Variants in GNB4 observed in about 807,000 individuals in gnomAD.
GNB4 encodes the protein G protein subunit beta 4.
A neutral mutation model predicts 45.2 loss-of-function variants in GNB4; 28 were observed. That is an observed-to-expected ratio of 0.62 (90% CI 0.46 to 0.85). The LOEUF is 0.85. Among genes scored for constraint, GNB4 ranks in the 40% least tolerant of loss-of-function variants. The probability of loss-of-function intolerance (pLI) is 0.00; values close to 1 mark genes in which losing one functional copy is unlikely to be tolerated. For missense variants in GNB4, 321 were observed against 425.4 expected (o/e 0.75, Z 2.16); for synonymous variants, 132 against 143.7 (o/e 0.92, Z 0.58).
At chr3:179,470,226 TA>T in the GNB4 span, among the ~76,000 whole-genome samples, 5 of 152,148 alleles carry the variant, frequency 3.3e-5, no homozygotes, top group Admixed American at 3.3e-4. Flanking sequence ...CTACAACTTA[TA>T]AAAAGAAAAA....
the GNB4 span, among the ~76,000 whole-genome samples, chr3:179,522,649 C>T: frequency 6.6e-6 from 1 of 152,158 alleles, no homozygotes. Flanking sequence ...CCTGCCTTTG[C>T]TGGTGAGTGG....
At chr3:179,406,776 C>G (rs534176583) in intron 8 of GNB4, among the ~76,000 whole-genome samples, 42 of 152,144 alleles carry the variant, frequency 2.8e-4, no homozygotes, top group African/African-American at 8.7e-4. Context: ...CAACGCCTGG[C>G]TAATTTTTTT....
the GNB4 span, among the ~76,000 whole-genome samples, chr3:179,463,963 G>A: frequency 6.6e-6 from 1 of 152,270 alleles, no homozygotes; most frequent in African/African-American, 2.4e-5. Context: ...TTTGCTAAAG[G>A]AATAGATCTT....
chr3:179,502,228 C>CTTTTTT, the GNB4 span, among the ~76,000 whole-genome samples: 228 of 73,410 alleles, frequency 3.1e-3, no homozygotes, highest in African/African-American at 4.5e-3. Flanking sequence ...TTTTTCTTTT[C>CTTTTTT]TTTTTTTTTT....
At chr3:179,412,247 C>T (rs1054549783) in intron 8 of GNB4, among the ~76,000 whole-genome samples, 1 of 152,120 alleles carries the variant, frequency 6.6e-6, no homozygotes, top group South Asian at 2.1e-4. Flanking sequence ...GTGGGAGGAT[C>T]GCTGAGCCCA....
the GNB4 span, among the ~76,000 whole-genome samples, chr3:179,481,811 A>G: frequency 6.6e-6 from 1 of 152,328 alleles, no homozygotes; most frequent in South Asian, 2.1e-4. Flanking sequence ...TCACTCTGAG[A>G]GTGCATAGTT....
At chr3:179,410,547 T>C (rs1045003578) in intron 8 of GNB4, 12 of 152,186 alleles carry the variant, frequency 7.9e-5, no homozygotes, top group African/African-American at 2.9e-4. Flanking sequence ...TCTTCTCCTG[T>C]GTCTCTTCAC....
At chr3:179,472,902 G>A in the GNB4 span, among the ~76,000 whole-genome samples, 2 of 152,162 alleles carry the variant, frequency 1.3e-5, no homozygotes, top group African/African-American at 2.4e-5. Context: ...GGTGGCTCAC[G>A]CCTGTAATCC....
At chr3:179,403,268 T>C (rs1714358714) in intron 9 of GNB4, among the ~76,000 whole-genome samples, 2 of 150,716 alleles carry the variant, frequency 1.3e-5, no homozygotes, top group South Asian at 2.1e-4. Flanking sequence ...TAAGGAAATA[T>C]TCTAAAAATA....
intron 1 of GNB4, among the ~76,000 whole-genome samples, chr3:179,430,622 T>A (rs1715283620): frequency 1.2e-5 from 1 of 84,394 alleles, no homozygotes; most frequent in African/African-American, 3.6e-5. Context: ...CCTGGCTAAT[T>A]TTTTTTTTTT....
rs978484989 is a variant in GNB4, at chr3:179,397,834, T to G, written c.*3379A>C. The stretch of plus-strand genomic sequence containing the variant: ...TCACCAAAACCTCCACCTCCTGAGT[T>G]CAAGTAATTCTCTGCCTCAGCCTCA... On this transcript the variant is annotated 3_prime_UTR_variant, in exon 10 of 10. Coordinates refer to ENST00000232564, the MANE Select transcript of GNB4 (RefSeq NM_021629.4). 6.7e-6 allele frequency: 1 copy of G among 150,254 alleles called. No homozygotes were observed. Among genetic ancestry groups the G allele is most frequent in the Non-Finnish European group, 1.5e-5 (1 of 68,062 alleles). 9.3% of individuals were successfully genotyped at this position (150,254 alleles called of 1,614,324 possible). A position where few individuals can be genotyped will look rare whatever the true frequency, so the allele number is the denominator to read the frequency against.
chr3:179,453,540 T>C (rs1715935590), upstream of GNB4, among the ~76,000 whole-genome samples: 1 of 152,204 alleles, frequency 6.6e-6, no homozygotes, highest in African/African-American at 2.4e-5. Context: ...AACAAGTTGC[T>C]GGTATTTAGG....
At chr3:179,482,806 G>A in the GNB4 span, among the ~76,000 whole-genome samples, 4 of 152,164 alleles carry the variant, frequency 2.6e-5, no homozygotes, top group African/African-American at 9.7e-5. Context: ...ACTTATGGCA[G>A]GTGGAAAAGT....
the GNB4 span, among the ~76,000 whole-genome samples, chr3:179,502,969 A>G: frequency 6.6e-6 from 1 of 152,216 alleles, no homozygotes; most frequent in Admixed American, 6.5e-5. Context: ...CCTCCCAAGT[A>G]GCTAGGACTA....
At chr3:179,462,619 A>G in the GNB4 span, among the ~76,000 whole-genome samples, 2 of 152,166 alleles carry the variant, frequency 1.3e-5, no homozygotes, top group East Asian at 3.8e-4. Context: ...CGGGCAAATC[A>G]CTTGAGGTCA....
At chr3:179,423,760 G>T (rs1032153394) in intron 2 of GNB4, among the ~76,000 whole-genome samples, 1 of 150,432 alleles carries the variant, frequency 6.6e-6, no homozygotes, top group Non-Finnish European at 1.5e-5. Context: ...CAGCCTGGGC[G>T]ACTGAGACTC....
the GNB4 span, among the ~76,000 whole-genome samples, chr3:179,485,949 A>AAAC: frequency 6.7e-6 from 1 of 149,250 alleles, no homozygotes; most frequent in African/African-American, 2.5e-5. Flanking sequence ...AAACAAAACA[A>AAAC]AACAACAACA....
chr3:179,451,679 C>T (rs891359662), upstream of GNB4: 11 of 152,090 alleles, frequency 7.2e-5, no homozygotes, highest in Admixed American at 4.6e-4. Context: ...TTTTCTCTCT[C>T]GTTTCCTGCC....
chr3:179,483,872 T>C, the GNB4 span, among the ~76,000 whole-genome samples: 1 of 152,186 alleles, frequency 6.6e-6, no homozygotes, highest in Non-Finnish European at 1.5e-5. Context: ...TGTTAATTAA[T>C]TAAAGTCAAA....
Sources: gnomAD v4.1 joint callset for allele counts (sites outside exome capture counted in the v4.1 genomes callset) on GRCh38, gnomAD v4.1.1 for gene constraint, MANE v1.5 for transcripts, NCBI Gene and HGNC (gene_info 2026-07-23, HGNC 2026-07-21) for gene names.